Variants in UAP1 observed in about 807,000 individuals in gnomAD.
UAP1 encodes UDP-N-acetylglucosamine pyrophosphorylase 1.
In UAP1, 25 loss-of-function variants were observed where a neutral mutation model predicts 58.5. The observed-to-expected ratio is 0.43, with a 90% CI of 0.31 to 0.60. The LOEUF is 0.60. Among genes scored for constraint, UAP1 ranks in the 20% least tolerant of loss-of-function variants. The pLI is 0.11. For missense variants in UAP1, 575 were observed against 630.0 expected, an observed-to-expected ratio of 0.91 and a Z score of 0.93; for synonymous variants, 208 against 213.0, an observed-to-expected ratio of 0.98 and a Z score of 0.21.
intron 2 of UAP1, among the ~76,000 whole-genome samples, chr1:162,572,661 T>C (rs1229001070): frequency 6.6e-6 from 1 of 152,248 alleles, no homozygotes; most frequent in East Asian, 1.9e-4. Context: ...TTGGCACTTC[T>C]TTTGAAGATG....
At chr1:162,586,683 G>A (rs754582741) in intron 5 of UAP1, among the ~76,000 whole-genome samples, 8 of 152,146 alleles carry the variant, frequency 5.3e-5, no homozygotes, top group Admixed American at 2.6e-4. Flanking sequence ...TTAGTGTGGT[G>A]GCATACCAAA....
chr1:162,588,426 C>T (rs1655051625), intron 6 of UAP1, among the ~76,000 whole-genome samples: 1 of 152,090 alleles, frequency 6.6e-6, no homozygotes, highest in South Asian at 2.1e-4. Context: ...TACATATATA[C>T]AGTTTTAAGG....
At chr1:162,566,114 G>C (rs761216241) in exon 2 of UAP1, 3 of 1,612,910 alleles carry the variant, frequency 1.9e-6, no homozygotes, top group Admixed American at 3.3e-5. Context: ...AGCTGGGCAA[G>C]AGCACCTACT....
At chr1:162,589,164 A>AATATAT (rs1170382439) in intron 7 of UAP1, among the ~76,000 whole-genome samples, 15 of 100,758 alleles carry the variant, frequency 1.5e-4, no homozygotes, top group African/African-American at 5.3e-4. Context: ...TATTATATAT[A>AATATAT]ATATATAAAT....
At chr1:162,590,271 A>G (rs1655217622) in intron 7 of UAP1, 52 bp from the exon 8 acceptor site, 2 of 1,460,218 alleles carry the variant, frequency 1.4e-6, no homozygotes, top group Admixed American at 3.9e-5. Context: ...AAGGGTTAGA[A>G]GCTGTGTATG....
downstream of UAP1, among the ~76,000 whole-genome samples, chr1:162,600,376 A>T (rs1194567655): frequency 6.6e-6 from 1 of 152,200 alleles, no homozygotes; most frequent in African/African-American, 2.4e-5. Flanking sequence ...AAATAAAAAG[A>T]CAAAGGTGGT....
At chr1:162,562,251 C>G (rs1421148054) in intron 1 of UAP1, among the ~76,000 whole-genome samples, 1 of 151,882 alleles carries the variant, frequency 6.6e-6, no homozygotes, top group Admixed American at 6.6e-5. Context: ...GACAGGAGAT[C>G]GTTGGCACTG....
At chr1:162,562,588 A>G (rs1200454652) in intron 1 of UAP1, 1 of 152,080 alleles carries the variant, frequency 6.6e-6, no homozygotes, top group Non-Finnish European at 1.5e-5. Flanking sequence ...AAATCAGGTA[A>G]TAGGATTATG....
intron 2 of UAP1, among the ~76,000 whole-genome samples, chr1:162,573,759 G>A (rs1398763134): frequency 2.0e-5 from 3 of 152,234 alleles, no homozygotes; most frequent in Non-Finnish European, 4.4e-5. Flanking sequence ...GAGCCCAGGA[G>A]TTCGAGACCA....
chr1:162,568,339 T>C (rs1259916019), intron 2 of UAP1, among the ~76,000 whole-genome samples: 2 of 152,216 alleles, frequency 1.3e-5, no homozygotes, highest in Non-Finnish European at 2.9e-5. Flanking sequence ...GTTTTCACTG[T>C]TGGGGAAGCT....
At chr1:162,580,811 C>T (rs1423727065) in intron 4 of UAP1, among the ~76,000 whole-genome samples, 1 of 152,102 alleles carries the variant, frequency 6.6e-6, no homozygotes, top group Admixed American at 6.6e-5. Context: ...GTTTAAATCA[C>T]CTTAGGCCTC....
At chr1:162,577,946 G>A (rs976738627) in intron 3 of UAP1, among the ~76,000 whole-genome samples, 40 of 151,714 alleles carry the variant, frequency 2.6e-4, no homozygotes, top group African/African-American at 9.0e-4. Flanking sequence ...CAGGGTTCTG[G>A]TCTCAAATTC....
At chr1:162,592,828 T>G in intron 9 of UAP1, 46 bp downstream of exon 9, 1 of 1,482,472 alleles carries the variant, frequency 6.7e-7, no homozygotes, top group African/African-American at 1.4e-5. Context: ...GGGGCTGTGC[T>G]TCCCTCCATA....
intron 9 of UAP1, chr1:162,593,581 TCTACTAAAA>T (rs1359032602): frequency 2.0e-5 from 3 of 152,012 alleles, no homozygotes. Context: ...AAACCTCATC[TCTACTAAAA>T]ATACAAAAAT....
chr1:162,566,110 G>A, exon 2 of UAP1: 3 of 1,612,718 alleles, frequency 1.9e-6, no homozygotes, highest in East Asian at 4.5e-5. Flanking sequence ...CCAAAGCTGG[G>A]CAAGAGCACC....
chr1:162,588,703 C>T, exon 7 of UAP1: 1 of 1,606,388 alleles, frequency 6.2e-7, no homozygotes, highest in African/African-American at 1.3e-5. Context: ...TGTTTATGAA[C>T]CTCAGTTGCA....
At chr1:162,568,912 T>C (rs1428836267) in intron 2 of UAP1, among the ~76,000 whole-genome samples, 1 of 152,228 alleles carries the variant, frequency 6.6e-6, no homozygotes, top group Non-Finnish European at 1.5e-5. Context: ...TCCTTTTTGT[T>C]GGACTATGTG....
At chr1:162,597,623 T>G (rs1423729185) in intron 9 of UAP1, 169 bp from the exon 10 acceptor site, 1 of 541,712 alleles carries the variant, frequency 1.8e-6, no homozygotes, top group Non-Finnish European at 3.2e-6. Context: ...AATTTCATAT[T>G]AACTTAATCC....
At chr1:162,573,255 T>C (rs1653977936) in intron 2 of UAP1, among the ~76,000 whole-genome samples, 1 of 151,574 alleles carries the variant, frequency 6.6e-6, no homozygotes, top group African/African-American at 2.4e-5. Context: ...TTTAGGATGG[T>C]GGGTAAGACA....
Sources: gnomAD v4.1 joint callset for allele counts (sites outside exome capture counted in the v4.1 genomes callset) on GRCh38, gnomAD v4.1.1 for gene constraint, MANE v1.5 for transcripts, NCBI Gene and HGNC (gene_info 2026-07-23, HGNC 2026-07-21) for gene names.